DOCK1: variants seen among roughly 807,000 people sequenced by gnomAD.
DOCK1 encodes the protein dedicator of cytokinesis 1.
A neutral mutation model predicts 262.7 loss-of-function variants in DOCK1; 138 were observed. That is an observed-to-expected ratio of 0.53 (90% CI 0.46 to 0.61). The LOEUF is 0.61. Ranked by LOEUF, DOCK1 falls within the 20% of genes least tolerant of loss-of-function variation. The pLI, the probability that DOCK1 is intolerant of heterozygous loss-of-function variation, is 0.00. For synonymous variants in DOCK1, 866 were observed against 867.4 expected, an observed-to-expected ratio of 1.00 and a Z score of 0.03; for missense variants, 1,908 against 2,370.7, an observed-to-expected ratio of 0.80 and a Z score of 4.05.
At chr10:127,359,730 A>C (rs934100853) in intron 32 of DOCK1, among the ~76,000 whole-genome samples, 3 of 152,266 alleles carry the variant, frequency 2.0e-5, no homozygotes, top group Admixed American at 1.3e-4. Flanking sequence ...CCCAATAAAA[A>C]GTAATTCAGT....
At chr10:127,102,004 A>C (rs1377178314) in intron 23 of DOCK1, among the ~76,000 whole-genome samples, 2 of 152,110 alleles carry the variant, frequency 1.3e-5, no homozygotes, top group African/African-American at 4.8e-5. Flanking sequence ...AATTATTACG[A>C]TTTAGTGCTC....
In DOCK1 at chr10:126,987,468, A is replaced by G. The variant is rs1001596227; in HGVS notation, c.228-53A>G. The G allele has an allele frequency of 3.4e-6, 5 of 1,454,380 alleles. No individual in the cohort carries two copies. The African/African-American group carries it at 7.1e-5, about 21-fold the overall frequency. 90.1% of individuals were successfully genotyped at this position (1,454,380 alleles called of 1,614,324 possible). ...ATGTGAAATTTACCAGGTACTACTC[A>G]TAGCAGGCAGTGAAACCGTGGACTC... On this transcript the variant is annotated intron_variant, in intron 4 of 51. Transcript: ENST00000623213.
intron 1 of DOCK1, among the ~76,000 whole-genome samples, chr10:126,963,504 G>C (rs1368295249): frequency 2.6e-5 from 4 of 151,322 alleles, no homozygotes; most frequent in Admixed American, 2.0e-4. Flanking sequence ...ATTATAACCA[G>C]GCTCTAAGAA....
intron 1 of DOCK1, among the ~76,000 whole-genome samples, chr10:126,963,977 A>G (rs1466990780): frequency 2.6e-5 from 4 of 152,130 alleles, no homozygotes; most frequent in African/African-American, 4.8e-5. Flanking sequence ...AGAGTTTAGG[A>G]AACCCAGCCT....
At chr10:127,392,756 G>A (rs1257544992) in intron 38 of DOCK1, among the ~76,000 whole-genome samples, 1 of 152,060 alleles carries the variant, frequency 6.6e-6, no homozygotes, top group East Asian at 1.9e-4. Context: ...CACCCCCAGC[G>A]CCGGGTCGGG....
intron 1 of DOCK1, among the ~76,000 whole-genome samples, chr10:126,942,793 G>T (rs1026747279): frequency 1.3e-5 from 2 of 152,134 alleles, no homozygotes; most frequent in Admixed American, 6.5e-5. Context: ...TGATTCCTCT[G>T]GATGGGCGTT....
At chr10:127,358,414 G>A (rs2064248706) in intron 32 of DOCK1, among the ~76,000 whole-genome samples, 1 of 152,158 alleles carries the variant, frequency 6.6e-6, no homozygotes, top group African/African-American at 2.4e-5. Flanking sequence ...GAAAAAAGGG[G>A]GGAAAATGTG....
At chr10:127,129,185 C>T (rs910863733) in intron 27 of DOCK1, among the ~76,000 whole-genome samples, 2 of 152,130 alleles carry the variant, frequency 1.3e-5, no homozygotes, top group African/African-American at 4.8e-5. Context: ...ACAAATGCTG[C>T]CTTAGTGTGT....
At chr10:126,954,626 A>G (rs2036586079) in intron 1 of DOCK1, among the ~76,000 whole-genome samples, 2 of 152,166 alleles carry the variant, frequency 1.3e-5, no homozygotes, top group South Asian at 2.1e-4. Context: ...CCGCCGTGCT[A>G]TTTTCTGTCT....
chr10:127,058,396 G>A (rs1449363047), intron 22 of DOCK1, among the ~76,000 whole-genome samples: 1 of 151,788 alleles, frequency 6.6e-6, no homozygotes, highest in East Asian at 1.9e-4. Flanking sequence ...CATGCTTTCT[G>A]TGTCTTTATA....
chr10:127,343,545 C>A, intron 30 of DOCK1, 101 bp from the exon 31 acceptor site: 1 of 960,760 alleles, frequency 1.0e-6, no homozygotes, highest in Non-Finnish European at 1.5e-6. Flanking sequence ...TTTAACTTTT[C>A]AGAAGTGTGT....
intron 22 of DOCK1, among the ~76,000 whole-genome samples, chr10:127,054,852 C>A (rs2045028056): frequency 6.6e-6 from 1 of 152,206 alleles, no homozygotes; most frequent in South Asian, 2.1e-4. Context: ...CTTTCCCTTT[C>A]ATTCAGAGGT....
At position 127,176,291 on chromosome 10, in the gene DOCK1, G is replaced by T. The variant is rs781715631; in HGVS notation, c.2847+48527G>T. 20 of 1,614,102 alleles carry T rather than the reference G, an allele frequency of 1.2e-5. No individual in the cohort carries two copies. The highest frequency in any genetic ancestry group is 1.7e-5 in the Admixed American group (1 of 60,022). ...CTTTGTTCCGTTTTTTAATCTGCCG[G>T]TTGGGGTCCAGGGCGTATTTCATCT... On this transcript the variant is annotated intron_variant, in intron 27 of 51. Coordinates refer to ENST00000623213, the MANE Select transcript of DOCK1 (RefSeq NM_001290223.2). The surrounding 1 kb of genome is among the most constrained non-coding windows in gnomAD (Gnocchi z 4.4).
chr10:127,317,849 T>C (rs752475151), intron 29 of DOCK1, among the ~76,000 whole-genome samples: 2 of 152,170 alleles, frequency 1.3e-5, no homozygotes, highest in Non-Finnish European at 2.9e-5. Flanking sequence ...GCTCTTACTT[T>C]GACTCCTCAA....
At chr10:127,195,083 C>T (rs2057015147) in intron 27 of DOCK1, among the ~76,000 whole-genome samples, 1 of 152,240 alleles carries the variant, frequency 6.6e-6, no homozygotes, top group African/African-American at 2.4e-5. Flanking sequence ...CTCTTTATCA[C>T]TGGCTCCCTC....
chr10:126,997,110 GA>G (rs1202369692), intron 7 of DOCK1, among the ~76,000 whole-genome samples: 1 of 152,100 alleles, frequency 6.6e-6, no homozygotes, highest in African/African-American at 2.4e-5. Flanking sequence ...TAGGAGACAG[GA>G]TCCTAATGAT....
chr10:127,095,732 C>T (rs746023115), intron 23 of DOCK1, among the ~76,000 whole-genome samples: 34 of 151,966 alleles, frequency 2.2e-4, no homozygotes, highest in Middle Eastern at 3.4e-3. Flanking sequence ...GAGAGCAGTC[C>T]TGCACAGTGA....
chr10:127,176,144 G>T lies in DOCK1; in HGVS notation c.2847+48380G>T. On this transcript the variant is annotated intron_variant, in intron 27 of 51. Transcript: ENST00000623213. The surrounding 1 kb of genome is among the most constrained non-coding windows in gnomAD (Gnocchi z 4.4). ...GTGCGGGCACTGTCATGTATTTGCG[G>T]TAGGCTGCTCTGCAGGACACGGGCT... 1 of 1,614,154 alleles carries T rather than the reference G, an allele frequency of 6.2e-7. No homozygotes were observed. Among genetic ancestry groups the T allele is most frequent in the Non-Finnish European group, 8.5e-7 (1 of 1,180,036 alleles).
chr10:127,037,861 T>C, intron 19 of DOCK1, 45 bp downstream of exon 19: 1 of 1,434,356 alleles, frequency 7.0e-7, no homozygotes, highest in Admixed American at 2.6e-5. Context: ...TTTTTTTTTT[T>C]TTTTTTAATG....
Sources: allele counts gnomAD v4.1 joint callset (sites outside exome capture counted in the v4.1 genomes callset), GRCh38; gene constraint gnomAD v4.1.1; non-coding constraint Gnocchi (gnomAD v3.1); transcripts MANE v1.5; gene names NCBI Gene and HGNC (gene_info 2026-07-23, HGNC 2026-07-21).